Variants in NUDT5 observed in about 807,000 individuals in gnomAD.
NUDT5 encodes the protein nudix hydrolase 5.
Under a neutral mutation model 34.1 loss-of-function variants are expected in NUDT5, and 21 were observed. That is an observed-to-expected ratio of 0.62 (90% CI 0.44 to 0.89). NUDT5 has a LOEUF of 0.89. NUDT5 is among the 40% of genes least tolerant of loss of function. NUDT5 has a pLI of 0.00. For synonymous variants in NUDT5, 85 were observed against 97.6 expected, an observed-to-expected ratio of 0.87 and a Z score of 0.76; for missense variants, 249 against 274.8, an observed-to-expected ratio of 0.91 and a Z score of 0.66.
chr10:12,189,297 G>T (rs771845737), intron 1 of NUDT5, among the ~76,000 whole-genome samples: 6 of 152,084 alleles, frequency 3.9e-5, no homozygotes, highest in Non-Finnish European at 7.3e-5. Context: ...GTAGAGATGG[G>T]GTTTTGCCAT....
At chr10:12,186,753 G>A (rs945535629) in intron 1 of NUDT5, among the ~76,000 whole-genome samples, 1 of 151,346 alleles carries the variant, frequency 6.6e-6, no homozygotes, top group Non-Finnish European at 1.5e-5. Flanking sequence ...TCAGCCTCCC[G>A]AGTAGCTGGG....
intron 1 of NUDT5, among the ~76,000 whole-genome samples, chr10:12,188,135 C>A (rs1835158682): frequency 6.6e-6 from 1 of 152,056 alleles, no homozygotes. Flanking sequence ...CTAACCTACC[C>A]CACCTAACTT....
At position 12,187,702 on chromosome 10, in the gene NUDT5, T is replaced by C; in HGVS notation, c.-41-1370A>G. On this transcript the variant is annotated intron_variant, in intron 1 of 9. Coordinates refer to ENST00000491614, the MANE Select transcript of NUDT5 (RefSeq NM_014142.4). This position sits in a 1 kb window ranked among gnomAD's most constrained non-coding sequence, Gnocchi z 5.4. ...TGACCTGTCTTCCTCCTCTGGAAGC[T>C]TGTAGTTAGTCACTTTCATGTCGAT... 6.6e-6 allele frequency among the ~76,000 whole-genome samples: 1 copy of C among 152,218 alleles called. No individual in the cohort carries two copies. Among genetic ancestry groups the C allele is most frequent in the Middle Eastern group, 3.2e-3 (1 of 316 alleles).
chr10:12,191,845 C>T (rs1835236032), intron 1 of NUDT5, among the ~76,000 whole-genome samples: 1 of 152,182 alleles, frequency 6.6e-6, no homozygotes, highest in Admixed American at 6.5e-5. Context: ...TTAGTAACAA[C>T]AGCTGCATAA....
At chr10:12,172,670 G>C in intron 7 of NUDT5, 95 bp downstream of exon 7, 1 of 776,968 alleles carries the variant, frequency 1.3e-6, no homozygotes, top group Non-Finnish European at 2.2e-6. Flanking sequence ...TTCTTTCCAT[G>C]AAAGACTACA....
intron 3 of NUDT5, chr10:12,184,462 C>T: frequency 1.3e-6 from 2 of 1,540,082 alleles, no homozygotes. Context: ...TGTTTTTTTC[C>T]CAATTTGCAT....
At chr10:12,185,248 G>T (rs965035794) in intron 2 of NUDT5, among the ~76,000 whole-genome samples, 1 of 152,226 alleles carries the variant, frequency 6.6e-6, no homozygotes. Context: ...GGGGCATGGA[G>T]GTAACTGGAA....
chr10:12,176,940 A>G (rs1834959351), intron 5 of NUDT5, among the ~76,000 whole-genome samples: 3 of 152,018 alleles, frequency 2.0e-5, no homozygotes, highest in Admixed American at 2.0e-4. Context: ...TGGGCAACAC[A>G]GTGAAACCCT....
intron 1 of NUDT5, among the ~76,000 whole-genome samples, chr10:12,189,565 C>T (rs939263438): frequency 1.3e-5 from 2 of 152,176 alleles, no homozygotes; most frequent in Non-Finnish European, 2.9e-5. Flanking sequence ...AAAAGTACCT[C>T]AGAAATTTTT....
chr10:12,167,515 A>T lies in NUDT5; in HGVS notation c.*187T>A, dbSNP rs1834731558. The T allele has an allele frequency of 1.8e-6, 1 of 554,014 alleles. No homozygotes were observed. Among genetic ancestry groups the T allele is most frequent in the African/African-American group, 1.9e-5 (1 of 51,452 alleles). 34.3% of individuals were successfully genotyped at this position (554,014 alleles called of 1,614,324 possible). On this transcript the variant is annotated 3_prime_UTR_variant, in exon 10 of 10. Coordinates refer to ENST00000491614, the MANE Select transcript of NUDT5 (RefSeq NM_014142.4). The stretch of plus-strand genomic sequence containing the variant: ...CTTTGTTAATTTTAGCTGGAGTTAT[A>T]ACAAATTTAAAGGAAGGTCACAACC...
At chr10:12,192,883 T>C (rs1293210329) in intron 1 of NUDT5, among the ~76,000 whole-genome samples, 1 of 151,982 alleles carries the variant, frequency 6.6e-6, no homozygotes, top group Non-Finnish European at 1.5e-5. Context: ...TTCTGATGTA[T>C]CCTTCTTTTG....
At position 12,172,778 on chromosome 10, in the gene NUDT5, C is replaced by T. The variant is rs765159821; in HGVS notation, c.474G>A (p.Pro158=). ...ACACACACATACCTGGCTTTGGCTTCGGCCTTGCGTTTTCGGCATCATCTC... is the reference window on the plus strand; with the variant it reads ...ACACACACATACCTGGCTTTGGCTTTGGCCTTGCGTTTTCGGCATCATCTC... ...INGDDAENAR[P]KPKPGDGEFV... The change falls in exon 7 of 10, where the codon CCG becomes CCA. Residue 158 remains proline, a synonymous_variant. Transcript: ENST00000491614. The T allele has an allele frequency of 6.6e-5, 106 of 1,613,780 alleles. No homozygotes were observed. Among genetic ancestry groups the T allele is most frequent in the Non-Finnish European group, 8.2e-5 (97 of 1,179,640 alleles).
chr10:12,190,352 G>A (rs2131718936), intron 1 of NUDT5, among the ~76,000 whole-genome samples: 1 of 152,286 alleles, frequency 6.6e-6, no homozygotes. Flanking sequence ...GAGGGGAAAT[G>A]CTGTAAGATT....
chr10:12,169,776 G>A lies in NUDT5; in HGVS notation c.550+941C>T, dbSNP rs1349290736. ...AACAACAGACAATTCAAAACCAGGC[G>A]CTCTGCTTATTCACTGAAACCGTAA... On this transcript the variant is annotated intron_variant, in intron 9 of 9. Coordinates refer to ENST00000491614, the MANE Select transcript of NUDT5 (RefSeq NM_014142.4). This position sits in a 1 kb window ranked among gnomAD's most constrained non-coding sequence, Gnocchi z 4.8. 1.6e-5 allele frequency: 4 copies of A among 249,340 alleles called. No individual in the cohort carries two copies. Among genetic ancestry groups the A allele is most frequent in the Non-Finnish European group, 2.3e-5 (3 of 132,130 alleles). The allele number at this position is 249,340 out of a possible 1,614,324, so 15.4% of individuals were successfully genotyped here. A position where few individuals can be genotyped will look rare whatever the true frequency, so the allele number is the denominator to read the frequency against.
At chr10:12,172,517 C>A (rs764537748) in intron 7 of NUDT5, 8 of 545,908 alleles carry the variant, frequency 1.5e-5, no homozygotes, top group Non-Finnish European at 2.0e-5. Context: ...GAATACACTT[C>A]ATATAGAAAA....
At chr10:12,190,825 T>C (rs1021143857) in intron 1 of NUDT5, among the ~76,000 whole-genome samples, 2 of 151,664 alleles carry the variant, frequency 1.3e-5, no homozygotes, top group Admixed American at 1.3e-4. Flanking sequence ...GCCAGGCTGG[T>C]TTCGAACTCC....
chr10:12,188,302 C>G (rs1036521187), intron 1 of NUDT5, among the ~76,000 whole-genome samples: 1 of 152,216 alleles, frequency 6.6e-6, no homozygotes, highest in South Asian at 2.1e-4. Flanking sequence ...CTTCCCTATT[C>G]TAAAATACAA....
At position 12,167,910 on chromosome 10, in the gene NUDT5, C is replaced by G. The variant is rs1588651846; in HGVS notation, c.551-99G>C. On this transcript the variant is annotated intron_variant, in intron 9 of 9. Transcript: ENST00000491614. ...GCGCAGCAGGTACTACTATATGTCA[C>G]TTCCTATGCTAGATGCTGGTGATAA... 5 of 1,531,636 alleles carry G rather than the reference C, an allele frequency of 3.3e-6. No individual in the cohort carries two copies. The East Asian group carries it at 1.2e-4, about 36-fold the overall frequency. The allele number at this position is 1,531,636 out of a possible 1,614,324, so 94.9% of individuals were successfully genotyped here.
Position 12,169,443 on chromosome 10 carries a change from C to A in NUDT5, c.550+1274G>T, listed in dbSNP as rs1588653304. Reference sequence around the variant, plus strand: ...TTATGAAAAAAGCCGAGAGAGGCTACAGAACCTGTTTGATGTGATAGCTAA... The same window carrying A: ...TTATGAAAAAAGCCGAGAGAGGCTAAAGAACCTGTTTGATGTGATAGCTAA... On this transcript the variant is annotated intron_variant, in intron 9 of 9. Coordinates refer to ENST00000491614, the MANE Select transcript of NUDT5 (RefSeq NM_014142.4). This position sits in a 1 kb window ranked among gnomAD's most constrained non-coding sequence, Gnocchi z 4.8. The A allele has an allele frequency of 5.5e-6, 4 of 731,568 alleles. No homozygotes were observed. The South Asian group carries it at 8.0e-5, about 15-fold the overall frequency. The allele number at this position is 731,568 out of a possible 1,614,324, so 45.3% of individuals were successfully genotyped here.
Sources: gnomAD v4.1 joint callset for allele counts (sites outside exome capture counted in the v4.1 genomes callset) on GRCh38, gnomAD v4.1.1 for gene constraint, Gnocchi (gnomAD v3.1) non-coding constraint, MANE v1.5 for transcripts, NCBI Gene and HGNC (gene_info 2026-07-23, HGNC 2026-07-21) for gene names.